The following C7 variants were observed in gnomAD, a reference collection of about 807,000 sequenced individuals.
The protein encoded by C7 is complement component C7.
Under a neutral mutation model 104.8 loss-of-function variants are expected in C7, and 83 were observed. The ratio of observed to expected loss-of-function variants is 0.79; its 90% CI spans 0.66 to 0.95. The LOEUF (loss-of-function observed/expected upper bound fraction) is 0.95. Ranked by LOEUF, C7 falls within the 40% of genes least tolerant of loss-of-function variation. The pLI, the probability that C7 is intolerant of heterozygous loss-of-function variation, is 0.00. For missense variants in C7, 1,070 were observed against 1,011.2 expected (o/e 1.06, Z -0.79); for synonymous variants, 415 against 360.6 (o/e 1.15, Z -1.71).
intron 15 of C7, among the ~76,000 whole-genome samples, chr5:40,974,549 G>T (rs1740773131): frequency 6.6e-6 from 1 of 151,912 alleles, no homozygotes; most frequent in Non-Finnish European, 1.5e-5. Context: ...CTGAGTAGCT[G>T]GGACTACAGG....
Position 40,958,131 on chromosome 5 carries a change from C to G in C7, c.1359C>G (p.Asp453Glu). The G allele has an allele frequency of 6.2e-7, 1 of 1,613,764 alleles. No homozygotes were observed. Among genetic ancestry groups the G allele is most frequent in the Non-Finnish European group, 8.5e-7 (1 of 1,179,762 alleles). The stretch of plus-strand genomic sequence containing the variant: ...TTGAAGAGTATCTGGATGAATTTGA[C>G]CCCTGTCATTGCCGGCCTTGTCAAA... ...WALEEYLDEF[D>E]PCHCRPCQNG... Residue 453 changes from aspartate (D) to glutamate (E), a missense_variant, in exon 11 of 18, where the codon GAC (aspartate) becomes GAG (glutamate). Coordinates refer to ENST00000313164, the MANE Select transcript of C7 (RefSeq NM_000587.4).
At chr5:40,931,875 C>T (rs1003896559) in intron 3 of C7, among the ~76,000 whole-genome samples, 1 of 152,206 alleles carries the variant, frequency 6.6e-6, no homozygotes, top group Non-Finnish European at 1.5e-5. Flanking sequence ...TCTCCTGCCT[C>T]AGCCTCCCAA....
chr5:40,950,818 G>T (rs373850788), intron 9 of C7, among the ~76,000 whole-genome samples: 1 of 152,166 alleles, frequency 6.6e-6, no homozygotes, highest in South Asian at 2.1e-4. Flanking sequence ...TGGAGGTCAG[G>T]TTTTTGGTGC....
chr5:40,927,436 C>A (rs187842669), intron 1 of C7, among the ~76,000 whole-genome samples: 2 of 151,892 alleles, frequency 1.3e-5, no homozygotes, highest in African/African-American at 2.4e-5. Flanking sequence ...GCAAAGGAGA[C>A]AATGATCAGT....
chr5:40,924,159 G>C (rs929675159), intron 1 of C7, among the ~76,000 whole-genome samples: 1 of 152,176 alleles, frequency 6.6e-6, no homozygotes, highest in African/African-American at 2.4e-5. Context: ...AGATAGAATT[G>C]GGGTACAGGC....
Position 40,950,818 on chromosome 5 carries a change from G to A in C7, c.1093+804G>A, listed in dbSNP as rs373850788. 2.4e-3 allele frequency among the ~76,000 whole-genome samples: 364 copies of A among 152,278 alleles called. 1 individual carries two copies. Among genetic ancestry groups the A allele is most frequent in the Admixed American group, 5.2e-3 (80 of 15,284 alleles). On this transcript the variant is annotated intron_variant, in intron 9 of 17. Coordinates refer to ENST00000313164, the MANE Select transcript of C7 (RefSeq NM_000587.4). Reference sequence around the variant, plus strand: ...GACATGGCTACTCCGTGGAGGTCAGGTTTTTGGTGCATGCTGGTTGGCAGT... The same window carrying A: ...GACATGGCTACTCCGTGGAGGTCAGATTTTTGGTGCATGCTGGTTGGCAGT...
chr5:40,975,105 C>T (rs1329263394), intron 15 of C7, among the ~76,000 whole-genome samples: 2 of 152,134 alleles, frequency 1.3e-5, no homozygotes, highest in African/African-American at 4.8e-5. Flanking sequence ...TAAAAAATTT[C>T]ATTTTGGAAT....
intron 1 of C7, among the ~76,000 whole-genome samples, chr5:40,912,566 A>AGGTCTCACTATGTTGCC (rs1554040496): frequency 0.04 from 6,116 of 151,810 alleles, 426 homozygotes; most frequent in African/African-American, 0.14. Flanking sequence ...TTTTGTTGCA[A>AGGTCTCACTATGTTGCC]CAGGCTGGCC....
chr5:40,927,694 T>G (rs958342019), intron 1 of C7, among the ~76,000 whole-genome samples: 1 of 152,090 alleles, frequency 6.6e-6, no homozygotes, highest in East Asian at 1.9e-4. Context: ...AAAAAAGTGC[T>G]CAACATTGCT....
At chr5:40,941,865 G>A (rs1739946958) in intron 6 of C7, among the ~76,000 whole-genome samples, 1 of 152,206 alleles carries the variant, frequency 6.6e-6, no homozygotes, top group Admixed American at 6.5e-5. Flanking sequence ...GACATTTGGT[G>A]ATTATTGGTA....
chr5:40,931,866 C>T (rs1739691777), intron 3 of C7, among the ~76,000 whole-genome samples: 1 of 152,212 alleles, frequency 6.6e-6, no homozygotes, highest in Non-Finnish European at 1.5e-5. Flanking sequence ...TCAAGTGATT[C>T]TCCTGCCTCA....
chr5:40,946,177 G>C (rs1194008878), intron 7 of C7, among the ~76,000 whole-genome samples: 1 of 151,902 alleles, frequency 6.6e-6, no homozygotes, highest in African/African-American at 2.4e-5. Context: ...TATTACTTTT[G>C]AGATACCAAC....
At chr5:40,925,783 C>T (rs1739539005) in intron 1 of C7, among the ~76,000 whole-genome samples, 1 of 152,178 alleles carries the variant, frequency 6.6e-6, no homozygotes, top group Non-Finnish European at 1.5e-5. Context: ...AAACTGGGAA[C>T]AGGCAGGTCA....
chr5:40,918,949 GACACACACACACAC>G (rs138558983), intron 1 of C7, among the ~76,000 whole-genome samples: 22,183 of 138,336 alleles, frequency 0.16, 1,861 homozygotes, highest in South Asian at 0.21. Flanking sequence ...GAATCTAACA[GACACACACACACAC>G]ACACACACAC....
intron 3 of C7, 57 bp from the exon 4 acceptor site, chr5:40,934,268 A>C: frequency 7.0e-7 from 1 of 1,433,192 alleles, no homozygotes; most frequent in African/African-American, 1.4e-5. Flanking sequence ...AGGAAACTAG[A>C]GATTTCTTTG....
chr5:40,917,946 A>C (rs1401546667), intron 1 of C7, among the ~76,000 whole-genome samples: 1 of 152,294 alleles, frequency 6.6e-6, no homozygotes, highest in South Asian at 2.1e-4. Flanking sequence ...TTGACGGGAG[A>C]GTAAAAATGT....
intron 8 of C7, among the ~76,000 whole-genome samples, chr5:40,948,147 A>T (rs1057099248): frequency 6.6e-6 from 1 of 152,172 alleles, no homozygotes; most frequent in Non-Finnish European, 1.5e-5. Context: ...CAAACTAAAC[A>T]GCATTTCTCA....
At position 40,958,036 on chromosome 5, in the gene C7, A is replaced by G. The variant is rs1352023081; in HGVS notation, c.1264A>G (p.Thr422Ala). 6.2e-7 allele frequency: 1 copy of G among 1,608,976 alleles called. No individual in the cohort carries two copies. Among genetic ancestry groups the G allele is most frequent in the African/African-American group, 1.3e-5 (1 of 74,792 alleles). Residue 422 changes from threonine to alanine, a missense_variant, in exon 11 of 18, where the codon ACA (threonine) becomes GCA (alanine). Physicochemically the swap from Thr to Ala is moderately conservative, Grantham distance 58. Transcript: ENST00000313164. ...NLPQVIKQKLTPLYELVKEVP... is the reference protein window; with the variant it reads ...NLPQVIKQKLAPLYELVKEVP... ...TATAATGTCTTTATCTCTATAGCTG[A>G]CACCTTTATATGAGCTGGTAAAGGA...
Position 40,981,393 on chromosome 5 carries a change from TGA to T in C7, c.2356_2357del (p.Ser786GlnfsTer17). 6.2e-7 allele frequency: 1 copy of T among 1,610,246 alleles called. No homozygotes were observed. The highest frequency in any genetic ancestry group is 8.5e-7 in the Non-Finnish European group (1 of 1,178,294). ...ACPLWGKCDA[E>X]SSKCVCREAS... is the part of the protein sequence containing the mutation. ...AGCCTCTTTCACTTACTTTTCCAGCTGAGAGCAGCAAATGTGTCTGCCGAGAA... is the reference window on the plus strand; with the variant it reads ...AGCCTCTTTCACTTACTTTTCCAGCTGAGCAGCAAATGTGTCTGCCGAGAA... On this transcript the variant is annotated frameshift_variant and splice_region_variant, in exon 18 of 18. Transcript: ENST00000313164. LOFTEE classifies it low-confidence loss of function (END_TRUNC).
Sources: gnomAD v4.1 joint callset for allele counts (sites outside exome capture counted in the v4.1 genomes callset) on GRCh38, gnomAD v4.1.1 for gene constraint, MANE v1.5 for transcripts, NCBI Gene and HGNC (gene_info 2026-07-23, HGNC 2026-07-21) for gene names.